Variants in HS2ST1 observed in about 807,000 individuals in gnomAD.
The protein encoded by HS2ST1 is 2-O-sulfotransferase.
In HS2ST1, 18 loss-of-function variants were observed where a neutral mutation model predicts 42.9. That is an observed-to-expected ratio of 0.42 (90% CI 0.29 to 0.62). The LOEUF (loss-of-function observed/expected upper bound fraction) is 0.62. Ranked by LOEUF, HS2ST1 falls within the 20% of genes least tolerant of loss-of-function variation. The pLI is 0.21. For missense variants in HS2ST1, 334 were observed against 433.8 expected (o/e 0.77, Z 2.04); for synonymous variants, 146 against 152.9 (o/e 0.95, Z 0.33).
chr1:87,099,731 A>C (rs1652154301), intron 5 of HS2ST1, among the ~76,000 whole-genome samples: 1 of 152,198 alleles, frequency 6.6e-6, no homozygotes, highest in Admixed American at 6.5e-5. Flanking sequence ...TCTCATCTGG[A>C]GATGAGTTCC....
Position 87,084,257 on chromosome 1 carries a change from G to A in HS2ST1, c.427G>A (p.Val143Ile), listed in dbSNP as rs150473780. 148 of 1,604,454 alleles carry A rather than the reference G, an allele frequency of 9.2e-5. No individual in the cohort carries two copies. The highest frequency in any genetic ancestry group is 1.7e-4 in the Middle Eastern group (1 of 6,028). ...GAAACCAGGATTTTATCATGGACAC[G>A]TTTCTTACTTGGATTTTGCAAAGTA... ...EMKPGFYHGH[V>I]SYLDFAKFGV... The change falls in exon 3 of 7, where the codon GTT becomes ATT. Residue 143 changes from valine to isoleucine, a missense_variant. Physicochemically the swap from Val to Ile is conservative, Grantham distance 29. Coordinates refer to ENST00000370550, the MANE Select transcript of HS2ST1 (RefSeq NM_012262.4).
chr1:86,968,531 A>G (rs1212515298), intron 1 of HS2ST1, among the ~76,000 whole-genome samples: 2 of 151,852 alleles, frequency 1.3e-5, no homozygotes, highest in African/African-American at 2.4e-5. Context: ...CAGCCTCCCG[A>G]GTAGCTGGGA....
chr1:87,098,012 TAG>T, intron 5 of HS2ST1, 77 bp downstream of exon 5: 2 of 1,594,758 alleles, frequency 1.3e-6, no homozygotes, highest in Non-Finnish European at 1.7e-6. Flanking sequence ...TCACAAGGGC[TAG>T]ATATAGGGAA....
chr1:86,952,800 A>G (rs1283199792), intron 1 of HS2ST1, among the ~76,000 whole-genome samples: 1 of 152,194 alleles, frequency 6.6e-6, no homozygotes, highest in Non-Finnish European at 1.5e-5. Flanking sequence ...TTGTTGTCCC[A>G]TTTATAGATC....
chr1:87,103,374 A>C, intron 5 of HS2ST1, 58 bp from the exon 6 acceptor site: 1 of 1,487,428 alleles, frequency 6.7e-7, no homozygotes, highest in Non-Finnish European at 9.0e-7. Flanking sequence ...TGTCAAAGGC[A>C]CCAGAAACAC....
At chr1:87,025,806 T>G (rs759124474) in intron 1 of HS2ST1, among the ~76,000 whole-genome samples, 27 of 152,168 alleles carry the variant, frequency 1.8e-4, no homozygotes, top group Non-Finnish European at 3.2e-4. Flanking sequence ...TCCTTCTTTA[T>G]TGCATGTGAT....
At position 87,092,680 on chromosome 1, in the gene HS2ST1, A is replaced by G. The variant is rs759793255; in HGVS notation, c.588+11A>G. ...CAAGGAGACAAAAAGGTAATATTTTAGTTTTAAGATTTTTATAAAGATAAT... is the reference window on the plus strand; with the variant it reads ...CAAGGAGACAAAAAGGTAATATTTTGGTTTTAAGATTTTTATAAAGATAAT... On this transcript the variant is annotated intron_variant, in intron 4 of 6. Transcript: ENST00000370550. The G allele has an allele frequency of 6.7e-7, 1 of 1,501,600 alleles. No individual in the cohort carries two copies. The highest frequency in any genetic ancestry group is 1.4e-5 in the South Asian group (1 of 73,456). 93.0% of individuals were successfully genotyped at this position (1,501,600 alleles called of 1,614,324 possible). A position where few individuals can be genotyped will look rare whatever the true frequency, so the allele number is the denominator to read the frequency against.
chr1:86,976,074 T>C (rs1648392416), intron 1 of HS2ST1, among the ~76,000 whole-genome samples: 1 of 152,338 alleles, frequency 6.6e-6, no homozygotes, highest in Middle Eastern at 3.4e-3. Flanking sequence ...ATTATTAGAC[T>C]GAATTGCTGC....
At chr1:86,984,039 C>CAAAA (rs36109552) in intron 1 of HS2ST1, among the ~76,000 whole-genome samples, 1 of 145,038 alleles carries the variant, frequency 6.9e-6, no homozygotes, top group East Asian at 2.0e-4. Flanking sequence ...GGCTCCATCT[C>CAAAA]AAAAAAAAAA....
intron 1 of HS2ST1, among the ~76,000 whole-genome samples, chr1:86,969,168 T>C (rs1360869743): frequency 6.6e-6 from 1 of 152,222 alleles, no homozygotes; most frequent in Non-Finnish European, 1.5e-5. Context: ...GTTCTTAAAA[T>C]TACATTAATC....
At chr1:86,982,665 C>A (rs889581864) in intron 1 of HS2ST1, among the ~76,000 whole-genome samples, 3 of 152,176 alleles carry the variant, frequency 2.0e-5, no homozygotes, top group Admixed American at 2.0e-4. Context: ...CAAGCGCCCA[C>A]CACCACGCCC....
At chr1:86,996,663 A>G (rs1649112363) in intron 1 of HS2ST1, among the ~76,000 whole-genome samples, 1 of 152,164 alleles carries the variant, frequency 6.6e-6, no homozygotes, top group Non-Finnish European at 1.5e-5. Context: ...ATAACAAAGC[A>G]TATGGAGAAA....
chr1:86,924,497 C>A lies in HS2ST1; in HGVS notation c.124+9337C>A, dbSNP rs559738978. ...TAGCAGAGGTTCTCCATGAGGGCCC[C>A]GCCCCACAGCAAACTTCTGCTTGGG... On this transcript the variant is annotated intron_variant, in intron 1 of 6. Transcript: ENST00000370550. 2.6e-5 allele frequency among the ~76,000 whole-genome samples: 4 copies of A among 152,262 alleles called. No homozygotes were observed. In the East Asian group the frequency reaches 7.7e-4, roughly 29 times the overall value.
chr1:86,947,333 T>A (rs1647371400), intron 1 of HS2ST1, among the ~76,000 whole-genome samples: 1 of 152,236 alleles, frequency 6.6e-6, no homozygotes. Context: ...GAGACCATTA[T>A]TTATTCTCAA....
chr1:86,998,647 A>G (rs1312580780), intron 1 of HS2ST1, among the ~76,000 whole-genome samples: 1 of 152,200 alleles, frequency 6.6e-6, no homozygotes, highest in African/African-American at 2.4e-5. Flanking sequence ...TTCCATACAC[A>G]CACGTACACA....
At chr1:87,086,094 A>G (rs1462499612) in intron 3 of HS2ST1, among the ~76,000 whole-genome samples, 1 of 152,196 alleles carries the variant, frequency 6.6e-6, no homozygotes, top group African/African-American at 2.4e-5. Context: ...TGTAACTAGT[A>G]TCCTCAAATA....
chr1:87,050,774 G>T (rs1229691075), intron 1 of HS2ST1, among the ~76,000 whole-genome samples: 1 of 152,036 alleles, frequency 6.6e-6, no homozygotes, highest in African/African-American at 2.4e-5. Flanking sequence ...TCATGGTCCT[G>T]CCCTACTTAT....
chr1:86,976,854 T>A (rs537413211), intron 1 of HS2ST1, among the ~76,000 whole-genome samples: 3 of 151,488 alleles, frequency 2.0e-5, no homozygotes, highest in African/African-American at 7.3e-5. Flanking sequence ...GAGGACCCCT[T>A]GAGGCCAGAA....
intron 1 of HS2ST1, among the ~76,000 whole-genome samples, chr1:86,971,837 A>C (rs972365267): frequency 6.6e-6 from 1 of 151,516 alleles, no homozygotes; most frequent in African/African-American, 2.4e-5. Context: ...TCTTGAAAGA[A>C]AAAAAAAATG....
Sources: gnomAD v4.1 joint callset for allele counts (sites outside exome capture counted in the v4.1 genomes callset) on GRCh38, gnomAD v4.1.1 for gene constraint, MANE v1.5 for transcripts, NCBI Gene and HGNC (gene_info 2026-07-23, HGNC 2026-07-21) for gene names.